MAP3K5: variants seen among roughly 807,000 people sequenced by gnomAD.
The protein encoded by MAP3K5 is mitogen-activated protein kinase kinase kinase 5.
A neutral mutation model predicts 158.7 loss-of-function variants in MAP3K5; 56 were observed. The ratio of observed to expected loss-of-function variants is 0.35; its 90% CI spans 0.28 to 0.44. The LOEUF (loss-of-function observed/expected upper bound fraction) is 0.44. Ranked by LOEUF, MAP3K5 falls within the 20% of genes least tolerant of loss-of-function variation. MAP3K5 has a pLI of 1.00. For missense variants in MAP3K5, 1,294 were observed against 1,674.8 expected (o/e 0.77, Z 3.97); for synonymous variants, 579 against 601.7 (o/e 0.96, Z 0.55).
chr6:136,583,417 C>T (rs571578246), intron 24 of MAP3K5, 138 bp downstream of exon 24: 208 of 759,806 alleles, frequency 2.7e-4, no homozygotes, highest in African/African-American at 2.6e-3. Flanking sequence ...CACTGAGAGG[C>T]GAATATCTCA....
rs764494575 is a variant in MAP3K5, at chr6:136,567,689, G to A, written c.3703C>T (p.Gln1235Ter). 1 of 1,614,008 alleles carries A rather than the reference G, an allele frequency of 6.2e-7. No individual in the cohort carries two copies. Among genetic ancestry groups the A allele is most frequent in the Admixed American group, 1.7e-5 (1 of 59,982 alleles). The change falls in exon 26 of 30, where the codon CAG becomes TAG. Residue 1235 changes from glutamine (Q) to a stop codon, truncating the protein, a stop_gained. Transcript: ENST00000359015. LOFTEE classifies it high-confidence loss of function. ...TLSSTVSHDS[Q>*]SAHRSLNVQL... ...ACATTCAGTGACCGGTGAGCACTCT[G>A]GGAATCATGAGACACAGTAGAACTG...
At chr6:136,659,792 T>C (rs575051455) in intron 8 of MAP3K5, among the ~76,000 whole-genome samples, 2 of 152,290 alleles carry the variant, frequency 1.3e-5, no homozygotes, top group Admixed American at 1.3e-4. Flanking sequence ...GGGAGGTGAA[T>C]AGTGGTGTTG....
intron 7 of MAP3K5, among the ~76,000 whole-genome samples, chr6:136,685,170 T>C (rs796720127): frequency 4.0e-4 from 60 of 151,152 alleles, no homozygotes; most frequent in African/African-American, 1.4e-3. Context: ...ATACAAAAAG[T>C]AGCTGGGCAT....
rs1774999964 is a variant in MAP3K5, at chr6:136,583,885, A to C, written c.3226-145T>G. On this transcript the variant is annotated intron_variant, in intron 23 of 29. Transcript: ENST00000359015. ...ACTATATTGCCCAGGCTGGTCTCGA[A>C]CTCCTGGGCTCAAGCGAGCCTCCCA... The C allele has an allele frequency of 4.1e-5, 27 of 664,542 alleles. No individual in the cohort carries two copies. In the South Asian group the frequency reaches 5.7e-4, roughly 14 times the overall value. The allele number at this position is 664,542 out of a possible 1,614,324, so 41.2% of individuals were successfully genotyped here.
intron 18 of MAP3K5, among the ~76,000 whole-genome samples, chr6:136,606,349 T>C (rs1321949639): frequency 1.3e-5 from 2 of 151,918 alleles, no homozygotes; most frequent in Non-Finnish European, 1.5e-5. Flanking sequence ...AGACTCTGTC[T>C]CAAAAAAACA....
At chr6:136,658,141 G>A (rs904221090) in intron 9 of MAP3K5, among the ~76,000 whole-genome samples, 4 of 152,054 alleles carry the variant, frequency 2.6e-5, no homozygotes, top group African/African-American at 7.2e-5. Flanking sequence ...TTCCTCACAC[G>A]GTTTCTGTGA....
chr6:136,720,269 G>T (rs1157649195), intron 2 of MAP3K5, among the ~76,000 whole-genome samples, 181 bp downstream of exon 2: 2 of 152,092 alleles, frequency 1.3e-5, no homozygotes, highest in Non-Finnish European at 2.9e-5. Context: ...TCCTACTCGT[G>T]TCATCAAATT....
chr6:136,742,995 A>G (rs1761890305), intron 1 of MAP3K5, among the ~76,000 whole-genome samples: 1 of 152,162 alleles, frequency 6.6e-6, no homozygotes, highest in African/African-American at 2.4e-5. Context: ...GAGTCATGGT[A>G]GAAGGACTAC....
At chr6:136,729,373 A>G (rs900319820) in intron 1 of MAP3K5, among the ~76,000 whole-genome samples, 70 of 152,358 alleles carry the variant, frequency 4.6e-4, no homozygotes, top group African/African-American at 1.3e-3. Context: ...CTTCAACTAT[A>G]AATTGGGAAT....
chr6:136,766,761 A>G (rs536223656), intron 1 of MAP3K5, among the ~76,000 whole-genome samples: 5 of 152,358 alleles, frequency 3.3e-5, no homozygotes, highest in Admixed American at 6.5e-5. Context: ...TGTACTCTGC[A>G]AAACACAGGA....
intron 28 of MAP3K5, 40 bp downstream of exon 28, chr6:136,561,493 G>T: frequency 7.0e-7 from 1 of 1,437,284 alleles, no homozygotes; most frequent in Non-Finnish European, 9.8e-7. Context: ...ATTATGAAAC[G>T]AAGTGAAAGA....
At chr6:136,720,378 T>C (rs1430206337) in intron 2 of MAP3K5, 72 bp downstream of exon 2, 1 of 1,354,448 alleles carries the variant, frequency 7.4e-7, no homozygotes, top group Non-Finnish European at 9.9e-7. Context: ...CTACTTAAAA[T>C]GTTTGGATGA....
At chr6:136,762,396 C>T (rs1049022558) in intron 1 of MAP3K5, among the ~76,000 whole-genome samples, 8 of 152,152 alleles carry the variant, frequency 5.3e-5, no homozygotes, top group Non-Finnish European at 1.2e-4. Context: ...GATACACAGC[C>T]AAGAGCTGTC....
chr6:136,701,378 G>A (rs1780847186), intron 3 of MAP3K5, among the ~76,000 whole-genome samples: 1 of 152,240 alleles, frequency 6.6e-6, no homozygotes, highest in African/African-American at 2.4e-5. Flanking sequence ...GTCAGGTAAT[G>A]AAGCAGAAAC....
chr6:136,735,855 T>C (rs950781157), intron 1 of MAP3K5, among the ~76,000 whole-genome samples: 1 of 152,060 alleles, frequency 6.6e-6, no homozygotes, highest in African/African-American at 2.4e-5. Flanking sequence ...AAAAGCATGA[T>C]AATTTCATCC....
At chr6:136,669,861 T>C (rs908087647) in intron 7 of MAP3K5, among the ~76,000 whole-genome samples, 2 of 151,558 alleles carry the variant, frequency 1.3e-5, no homozygotes, top group African/African-American at 4.8e-5. Context: ...AATGTAGTCG[T>C]CTACTTGGAA....
intron 3 of MAP3K5, among the ~76,000 whole-genome samples, chr6:136,701,310 C>T (rs186148320): frequency 6.6e-6 from 1 of 152,202 alleles, no homozygotes; most frequent in Non-Finnish European, 1.5e-5. Flanking sequence ...GCCAAATGCC[C>T]TTATGACCGG....
intron 7 of MAP3K5, among the ~76,000 whole-genome samples, chr6:136,680,070 A>G (rs1196882742): frequency 1.1e-4 from 17 of 152,034 alleles, no homozygotes; most frequent in Admixed American, 9.8e-4. Flanking sequence ...ACACACACAC[A>G]CAAAACCCAA....
chr6:136,662,618 C>T (rs1022138919), intron 8 of MAP3K5, among the ~76,000 whole-genome samples: 29 of 151,724 alleles, frequency 1.9e-4, no homozygotes, highest in Middle Eastern at 3.4e-3. Context: ...TAGAAATAAA[C>T]ATCTTAGTGC....
Sources: allele counts gnomAD v4.1 joint callset (sites outside exome capture counted in the v4.1 genomes callset), GRCh38; gene constraint gnomAD v4.1.1; transcripts MANE v1.5; gene names NCBI Gene and HGNC (gene_info 2026-07-23, HGNC 2026-07-21).